Variants in PLEK2 observed in about 807,000 individuals in gnomAD.
PLEK2 encodes the protein pleckstrin-2.
PLEK2 carries 29 observed loss-of-function variants against 43.8 expected under a neutral mutation model. The observed-to-expected ratio is 0.66, with a 90% confidence interval of 0.49 to 0.90. The LOEUF (loss-of-function observed/expected upper bound fraction) is 0.90. Among genes scored for constraint, PLEK2 ranks in the 40% least tolerant of loss-of-function variants. The pLI is 0.00. For synonymous variants in PLEK2, 162 were observed against 173.2 expected (o/e 0.94, Z 0.51); for missense variants, 398 against 448.1 (o/e 0.89, Z 1.01).
chr14:67,397,193 C>T (rs563193471), intron 2 of PLEK2, among the ~76,000 whole-genome samples: 1 of 152,336 alleles, frequency 6.6e-6, no homozygotes, highest in African/African-American at 2.4e-5. Context: ...CCCATCTCGG[C>T]CTCCCAAAGT....
chr14:67,395,283 C>G, intron 3 of PLEK2, 119 bp downstream of exon 3: 1 of 819,868 alleles, frequency 1.2e-6, no homozygotes, highest in Non-Finnish European at 1.9e-6. Flanking sequence ...CCTGAAGCAC[C>G]GTGGTGGCAC....
chr14:67,408,359 A>AAAATAAAATAAAATAAAATAAAAT (rs1566632508), intron 1 of PLEK2, among the ~76,000 whole-genome samples: 20 of 134,052 alleles, frequency 1.5e-4, no homozygotes, highest in African/African-American at 5.6e-4. Context: ...TAAAATAAAA[A>AAAATAAAATAAAATAAAATAAAAT]AAGAAAAAAC....
intron 2 of PLEK2, 102 bp from the exon 3 acceptor site, chr14:67,395,685 T>A: frequency 1.2e-6 from 1 of 846,410 alleles, no homozygotes; most frequent in South Asian, 1.6e-5. Context: ...TGACAGTGAC[T>A]GCCAAATGCC....
At chr14:67,398,717 C>T (rs552187624) in intron 1 of PLEK2, among the ~76,000 whole-genome samples, 4 of 152,000 alleles carry the variant, frequency 2.6e-5, no homozygotes, top group East Asian at 3.9e-4. Context: ...CCACCACACC[C>T]GGCTAATTTT....
chr14:67,394,151 C>T (rs2085989687), intron 3 of PLEK2, among the ~76,000 whole-genome samples: 1 of 152,166 alleles, frequency 6.6e-6, no homozygotes, highest in African/African-American at 2.4e-5. Flanking sequence ...TTCTTTTCTT[C>T]TCCTTATCTA....
chr14:67,392,454 C>T (rs2085976459), intron 5 of PLEK2, 27 bp from the exon 6 acceptor site: 2 of 1,549,034 alleles, frequency 1.3e-6, no homozygotes, highest in Non-Finnish European at 1.8e-6. Context: ...AGCAAGGACT[C>T]TGCTACAGAA....
intron 1 of PLEK2, among the ~76,000 whole-genome samples, chr14:67,407,063 T>C (rs894539196): frequency 6.6e-6 from 1 of 152,148 alleles, no homozygotes; most frequent in African/African-American, 2.4e-5. Flanking sequence ...GATGGGCTTA[T>C]GAGACACAGA....
At chr14:67,403,630 G>A (rs1429915475) in intron 1 of PLEK2, among the ~76,000 whole-genome samples, 3 of 152,200 alleles carry the variant, frequency 2.0e-5, no homozygotes. Context: ...AGAAGTCTGA[G>A]GAGAAAAACT....
At chr14:67,390,604 G>C in intron 7 of PLEK2, 59 bp downstream of exon 7, 1 of 1,175,952 alleles carries the variant, frequency 8.5e-7, no homozygotes, top group Non-Finnish European at 1.3e-6. Context: ...CATGCCAGGA[G>C]AGGAGTGTCT....
In PLEK2 at chr14:67,390,188, G is replaced by A. The variant is rs567319007; in HGVS notation, c.855+475C>T. ...GATTTTTTTTTAATTTGCCATCAAA[G>A]TTTTTTAAAAAGCAAATTAGTAAAT... On this transcript the variant is annotated intron_variant, in intron 7 of 8. Transcript: ENST00000216446. 2.6e-5 allele frequency among the ~76,000 whole-genome samples: 4 copies of A among 152,244 alleles called. 1 individual carries two copies. The South Asian group carries it at 8.3e-4, about 32-fold the overall frequency.
chr14:67,393,720 C>G (rs1347663743), intron 3 of PLEK2, among the ~76,000 whole-genome samples: 3 of 152,108 alleles, frequency 2.0e-5, no homozygotes, highest in Non-Finnish European at 4.4e-5. Flanking sequence ...TCCGAAAGTA[C>G]TGGGATTACA....
At chr14:67,404,439 A>G (rs1236404190) in intron 1 of PLEK2, among the ~76,000 whole-genome samples, 2 of 152,064 alleles carry the variant, frequency 1.3e-5, no homozygotes, top group African/African-American at 4.8e-5. Flanking sequence ...CCTGGGCAAC[A>G]TAGTGAGACC....
At chr14:67,407,410 C>T (rs2086086116) in intron 1 of PLEK2, among the ~76,000 whole-genome samples, 1 of 151,840 alleles carries the variant, frequency 6.6e-6, no homozygotes, top group African/African-American at 2.4e-5. Flanking sequence ...CATGAGCCAC[C>T]ACGCCCAGCC....
At chr14:67,392,972 G>A in intron 4 of PLEK2, 123 bp from the exon 5 acceptor site, 1 of 886,880 alleles carries the variant, frequency 1.1e-6, no homozygotes, top group South Asian at 1.6e-5. Context: ...AGAGCAGACT[G>A]AAGGCCACAC....
intron 1 of PLEK2, among the ~76,000 whole-genome samples, chr14:67,411,064 C>A (rs1255249924): frequency 6.7e-6 from 1 of 148,822 alleles, no homozygotes; most frequent in African/African-American, 2.5e-5. Flanking sequence ...AGAGGACCAC[C>A]TGAGCCTGGG....
chr14:67,404,630 C>CAAT (rs1305210747), intron 1 of PLEK2, among the ~76,000 whole-genome samples: 3 of 151,872 alleles, frequency 2.0e-5, no homozygotes, highest in African/African-American at 7.3e-5. Context: ...GACAACACAG[C>CAAT]AATACCTAGT....
chr14:67,397,520 T>C (rs1355023288), intron 2 of PLEK2, 142 bp downstream of exon 2: 2 of 645,746 alleles, frequency 3.1e-6, no homozygotes, highest in Non-Finnish European at 5.2e-6. Context: ...ATACCTGGTA[T>C]GTGGCGGAGC....
intron 1 of PLEK2, among the ~76,000 whole-genome samples, chr14:67,404,169 A>C (rs992133905): frequency 1.2e-4 from 19 of 152,240 alleles, no homozygotes; most frequent in Admixed American, 1.0e-3. Context: ...ATATGGTAAC[A>C]ACATAGTGCC....
intron 1 of PLEK2, among the ~76,000 whole-genome samples, chr14:67,406,740 C>T (rs1247245513): frequency 1.3e-5 from 2 of 152,072 alleles, no homozygotes; most frequent in African/African-American, 4.8e-5. Context: ...AGTCCATGAA[C>T]CTGGCAGGAA....
Sources: gnomAD v4.1 joint callset for allele counts (sites outside exome capture counted in the v4.1 genomes callset) on GRCh38, gnomAD v4.1.1 for gene constraint, MANE v1.5 for transcripts, NCBI Gene and HGNC (gene_info 2026-07-23, HGNC 2026-07-21) for gene names.